The following LPGAT1 variants were observed in gnomAD, a reference collection of about 807,000 sequenced individuals.
LPGAT1 encodes the protein acyl-CoA:lysophosphatidylglycerol acyltransferase 1.
Under a neutral mutation model 47.5 loss-of-function variants are expected in LPGAT1, and 11 were observed. The observed-to-expected ratio is 0.23, with a 90% CI of 0.15 to 0.38. LPGAT1 has a LOEUF of 0.38. Among genes scored for constraint, LPGAT1 ranks in the 10% least tolerant of loss-of-function variants. The pLI is 1.00. For missense variants in LPGAT1, 293 were observed against 439.0 expected, an observed-to-expected ratio of 0.67 and a Z score of 2.97; for synonymous variants, 138 against 144.2, an observed-to-expected ratio of 0.96 and a Z score of 0.31.
intron 2 of LPGAT1, among the ~76,000 whole-genome samples, chr1:211,806,011 G>A (rs952983076): frequency 1.3e-5 from 2 of 152,174 alleles, no homozygotes; most frequent in Admixed American, 6.5e-5. Context: ...TGTAATCCCA[G>A]AACTTTGGGA....
At chr1:211,816,639 C>T (rs182027787) in intron 2 of LPGAT1, among the ~76,000 whole-genome samples, 3 of 152,244 alleles carry the variant, frequency 2.0e-5, no homozygotes, top group Admixed American at 2.0e-4. Flanking sequence ...AAAAGGCTAA[C>T]ATAATTATTT....
rs759218971 is a variant in LPGAT1 at position 211,747,844 on chromosome 1, A to G, written c.*2055T>C. The G allele has an allele frequency of 6.6e-6, 1 of 152,624 alleles. No homozygotes were observed. Among genetic ancestry groups the G allele is most frequent in the Non-Finnish European group, 1.5e-5 (1 of 68,036 alleles). 9.5% of individuals were successfully genotyped at this position (152,624 alleles called of 1,614,324 possible). A position where few individuals can be genotyped will look rare whatever the true frequency, so the allele number is the denominator to read the frequency against. On this transcript the variant is annotated 3_prime_UTR_variant, in exon 8 of 8. Transcript: ENST00000366997. ...ACCGACACTGTAGAACACATAATGAAATGCTTAGATTTAAAAAAAAATTGC... is the reference window on the plus strand; with the variant it reads ...ACCGACACTGTAGAACACATAATGAGATGCTTAGATTTAAAAAAAAATTGC...
chr1:211,775,825 G>A (rs1241199500), intron 6 of LPGAT1, among the ~76,000 whole-genome samples: 1 of 151,684 alleles, frequency 6.6e-6, no homozygotes, highest in African/African-American at 2.4e-5. Context: ...CAGCTACTCA[G>A]GAGGCTAAGG....
chr1:211,820,887 T>C lies in LPGAT1; in HGVS notation c.238+8172A>G, dbSNP rs1487824526. 2.0e-5 allele frequency among the ~76,000 whole-genome samples: 3 copies of C among 152,234 alleles called. No homozygotes were observed. The East Asian group carries it at 5.8e-4, about 29-fold the overall frequency. ...AGGAAAAATTGAGCTACACAGTCAA[T>C]ACCACTATATCCTAATAAAGTTACT... On this transcript the variant is annotated intron_variant, in intron 2 of 7. Transcript: ENST00000366997.
intron 6 of LPGAT1, among the ~76,000 whole-genome samples, chr1:211,764,325 A>G (rs1657821418): frequency 6.6e-6 from 1 of 152,228 alleles, no homozygotes; most frequent in African/African-American, 2.4e-5. Context: ...TGTATAAATC[A>G]GTGCCTAGTC....
Position 211,751,006 on chromosome 1 carries a change from G to A in LPGAT1, c.916C>T (p.Arg306Trp). Residue 306 changes from arginine to tryptophan, a missense_variant, in exon 7 of 8, where the codon CGG (arginine) becomes TGG (tryptophan). By Grantham distance (101) the Arg-to-Trp change is moderately radical (BLOSUM62 -3). Transcript: ENST00000366997. ...TDDLTTWLYQ[R>W]FVEKEDLLSH... is the part of the protein sequence containing the mutation. Reference sequence around the variant, plus strand: ...AAGAGGTCTTCTTTTTCAACAAACCGCTGATAGAGCCAAGTGGTAAGGTCA... The same window carrying A: ...AAGAGGTCTTCTTTTTCAACAAACCACTGATAGAGCCAAGTGGTAAGGTCA... 2 of 1,613,710 alleles carry A rather than the reference G, an allele frequency of 1.2e-6. No individual in the cohort carries two copies. Among genetic ancestry groups the A allele is most frequent in the Non-Finnish European group, 1.7e-6 (2 of 1,179,714 alleles).
At position 211,748,238 on chromosome 1, in the gene LPGAT1, C is replaced by G. The variant is rs1348776390; in HGVS notation, c.*1661G>C. 1 of 152,622 alleles carries G rather than the reference C, an allele frequency of 6.6e-6. No homozygotes were observed. Among genetic ancestry groups the G allele is most frequent in the Non-Finnish European group, 1.5e-5 (1 of 68,032 alleles). The allele number at this position is 152,622 out of a possible 1,614,324, so 9.5% of individuals were successfully genotyped here. On this transcript the variant is annotated 3_prime_UTR_variant, in exon 8 of 8. Coordinates refer to ENST00000366997, the MANE Select transcript of LPGAT1 (RefSeq NM_014873.3). ...ACTTACTAGGATCTTAATAGTCTTA[C>G]AATCCCAAACAAAAACCCTACTCAT...
At chr1:211,812,914 A>C (rs1323800023) in intron 2 of LPGAT1, among the ~76,000 whole-genome samples, 1 of 152,156 alleles carries the variant, frequency 6.6e-6, no homozygotes, top group Non-Finnish European at 1.5e-5. Flanking sequence ...TGAGAGAATA[A>C]GTTTATGTTT....
At chr1:211,788,142 A>T (rs1658961681) in intron 3 of LPGAT1, among the ~76,000 whole-genome samples, 1 of 152,202 alleles carries the variant, frequency 6.6e-6, no homozygotes, top group African/African-American at 2.4e-5. Context: ...GGCTTTATAA[A>T]ATCTGAGTGT....
chr1:211,766,604 C>CA (rs1438922770), intron 6 of LPGAT1, among the ~76,000 whole-genome samples: 1 of 152,040 alleles, frequency 6.6e-6, no homozygotes, highest in Admixed American at 6.6e-5. Context: ...GATGTGAAAA[C>CA]AAAAAACACA....
chr1:211,776,429 C>T (rs780977175), intron 6 of LPGAT1, among the ~76,000 whole-genome samples: 2 of 151,938 alleles, frequency 1.3e-5, no homozygotes, highest in Admixed American at 6.6e-5. Context: ...CCCAGCTACT[C>T]GGGAGGCTGA....
chr1:211,753,707 T>A (rs571336757), intron 6 of LPGAT1, among the ~76,000 whole-genome samples: 50 of 152,370 alleles, frequency 3.3e-4, no homozygotes, highest in African/African-American at 1.2e-3. Context: ...GACCTTGCCC[T>A]GTATAGTCTG....
intron 2 of LPGAT1, among the ~76,000 whole-genome samples, chr1:211,824,369 C>T (rs115807038): frequency 0.021 from 3,266 of 152,222 alleles, 35 homozygotes; most frequent in Non-Finnish European, 0.023. Flanking sequence ...GTACTCCAGG[C>T]TGGGCAATAG....
intron 2 of LPGAT1, among the ~76,000 whole-genome samples, chr1:211,797,250 T>G (rs534874471): frequency 1.3e-5 from 2 of 151,614 alleles, no homozygotes; most frequent in Admixed American, 1.3e-4. Flanking sequence ...AGCGAGACTC[T>G]GTCTCAAAAA....
At chr1:211,768,520 T>A (rs1178770811) in intron 6 of LPGAT1, among the ~76,000 whole-genome samples, 3 of 152,154 alleles carry the variant, frequency 2.0e-5, no homozygotes, top group African/African-American at 7.2e-5. Flanking sequence ...CGTTTAGACT[T>A]TTGTTTGAAG....
intron 6 of LPGAT1, among the ~76,000 whole-genome samples, chr1:211,761,020 C>T (rs971784502): frequency 2.0e-5 from 3 of 152,154 alleles, no homozygotes; most frequent in Non-Finnish European, 4.4e-5. Flanking sequence ...CACATTTTTG[C>T]AGCCTATGTA....
At position 211,778,056 on chromosome 1, in the gene LPGAT1, C is replaced by T. The variant is rs116559430; in HGVS notation, c.854+862G>A. Among the ~76,000 whole-genome samples, 497 of 152,216 alleles carry T rather than the reference C, an allele frequency of 3.3e-3. 1 individual carries two copies. The highest frequency in any genetic ancestry group is 0.011 in the African/African-American group (438 of 41,546). ...CCCTATATAGTCTAAAAAGGAAAGG[C>T]ACGAGGCTGGGCGCGGTGGCTCACG... On this transcript the variant is annotated intron_variant, in intron 6 of 7. Coordinates refer to ENST00000366997, the MANE Select transcript of LPGAT1 (RefSeq NM_014873.3).
At chr1:211,825,909 G>A (rs1274777597) in intron 2 of LPGAT1, among the ~76,000 whole-genome samples, 1 of 151,774 alleles carries the variant, frequency 6.6e-6, no homozygotes. Context: ...GCAGTGAGCT[G>A]AGACTACACC....
intron 4 of LPGAT1, among the ~76,000 whole-genome samples, chr1:211,785,025 G>A (rs138182227): frequency 1.4e-3 from 208 of 152,004 alleles, no homozygotes; most frequent in East Asian, 1.9e-3. Flanking sequence ...GGATGGTCTC[G>A]ATCTCCTGAC....
Sources: allele counts gnomAD v4.1 joint callset (sites outside exome capture counted in the v4.1 genomes callset), GRCh38; gene constraint gnomAD v4.1.1; transcripts MANE v1.5; gene names NCBI Gene and HGNC (gene_info 2026-07-23, HGNC 2026-07-21).